RSBN1L: variants seen among roughly 807,000 people sequenced by gnomAD.
RSBN1L encodes round spermatid basic protein 1 like, also known as lysine-specific demethylase RSBN1L.
Under a neutral mutation model 67.7 loss-of-function variants are expected in RSBN1L, and 30 were observed. The ratio of observed to expected loss-of-function variants is 0.44; its 90% CI spans 0.33 to 0.60. The LOEUF is 0.60. RSBN1L is among the 20% of genes least tolerant of loss of function. The pLI, the probability that RSBN1L is intolerant of heterozygous loss-of-function variation, is 0.02. For synonymous variants in RSBN1L, 433 were observed against 387.0 expected, an observed-to-expected ratio of 1.12 and a Z score of -1.39; for missense variants, 992 against 1,031.7, an observed-to-expected ratio of 0.96 and a Z score of 0.53.
intron 4 of RSBN1L, 103 bp downstream of exon 4, chr7:77,765,735 C>G: frequency 3.6e-6 from 3 of 839,860 alleles, no homozygotes; most frequent in East Asian, 5.3e-5. Context: ...ATGCTACATG[C>G]AATATAAATG....
chr7:77,724,940 C>T (rs1244447648), intron 1 of RSBN1L, among the ~76,000 whole-genome samples: 1 of 148,392 alleles, frequency 6.7e-6, no homozygotes, highest in Non-Finnish European at 1.5e-5. Flanking sequence ...CCTCCCGGGT[C>T]CAGTCGGTTC....
Position 77,765,527 on chromosome 7 carries a change from A to G in RSBN1L, c.1377A>G (p.Arg459=), listed in dbSNP as rs541751424. The G allele has an allele frequency of 6.2e-7, 1 of 1,609,598 alleles. No individual in the cohort carries two copies. Among genetic ancestry groups the G allele is most frequent in the African/African-American group, 1.3e-5 (1 of 74,966 alleles). The stretch of plus-strand genomic sequence containing the variant: ...GAACGTATTCTCATGGTACTTACAG[A>G]GCTGGCCCAATGAGACAAATAAGCT... ...VKRTYSHGTY[R]AGPMRQISLV... Residue 459 remains arginine (R), a synonymous_variant, in exon 4 of 8, where the codon AGA becomes AGG. Coordinates refer to ENST00000334955, the MANE Select transcript of RSBN1L (RefSeq NM_198467.3).
At chr7:77,717,691 G>A (rs1466469175) in intron 1 of RSBN1L, among the ~76,000 whole-genome samples, 1 of 152,148 alleles carries the variant, frequency 6.6e-6, no homozygotes, top group Admixed American at 6.5e-5. Context: ...TTGTGGTGTG[G>A]AGTGAGGGCA....
At chr7:77,744,748 T>C (rs1791459574) in intron 2 of RSBN1L, among the ~76,000 whole-genome samples, 2 of 152,172 alleles carry the variant, frequency 1.3e-5, no homozygotes, top group Admixed American at 6.5e-5. Flanking sequence ...ATTAACACTT[T>C]GCCTTTTATG....
chr7:77,763,732 G>A (rs149524350), intron 3 of RSBN1L, among the ~76,000 whole-genome samples: 98 of 152,224 alleles, frequency 6.4e-4, no homozygotes, highest in African/African-American at 2.2e-3. Flanking sequence ...TCGCTCTGTT[G>A]CCCAGGCTGG....
intron 3 of RSBN1L, among the ~76,000 whole-genome samples, chr7:77,754,553 G>A (rs951660262): frequency 5.9e-5 from 9 of 152,100 alleles, no homozygotes; most frequent in Non-Finnish European, 1.2e-4. Context: ...TTGAGAACAT[G>A]GAAGTTTTCA....
chr7:77,711,257 ATACTC>A (rs1562794468), intron 1 of RSBN1L, among the ~76,000 whole-genome samples: 1 of 152,004 alleles, frequency 6.6e-6, no homozygotes, highest in African/African-American at 2.4e-5. Context: ...GCCATTTTGT[ATACTC>A]TAACTGCACA....
At chr7:77,727,315 G>A (rs1193860309) in intron 1 of RSBN1L, among the ~76,000 whole-genome samples, 8 of 151,788 alleles carry the variant, frequency 5.3e-5, no homozygotes, top group Admixed American at 4.6e-4. Flanking sequence ...TCGAACTCCC[G>A]ACCTCCAGTG....
At chr7:77,742,182 T>TACACACACACAC (rs1169498942) in intron 2 of RSBN1L, among the ~76,000 whole-genome samples, 26 of 80,288 alleles carry the variant, frequency 3.2e-4, no homozygotes, top group South Asian at 2.0e-3. Flanking sequence ...AAAAAAAAAA[T>TACACACACACAC]ACACACACAC....
chr7:77,697,445 G>C (rs920941267), intron 1 of RSBN1L: 3 of 172,028 alleles, frequency 1.7e-5, no homozygotes, highest in African/African-American at 7.1e-5. Flanking sequence ...ACTTAGACGT[G>C]GTCGCGGGAA....
chr7:77,773,977 C>G lies in RSBN1L; in HGVS notation c.1793+663C>G, dbSNP rs189491456. Among the ~76,000 whole-genome samples, 66 of 152,198 alleles carry G rather than the reference C, an allele frequency of 4.3e-4. No individual in the cohort carries two copies. The East Asian group carries it at 0.012, about 27-fold the overall frequency. Reference sequence around the variant, plus strand: ...TATTTATCACATAAGGAAACTGAGGCTCAGGGCTGTCAAATAATTTTTTTT... The same window carrying G: ...TATTTATCACATAAGGAAACTGAGGGTCAGGGCTGTCAAATAATTTTTTTT... On this transcript the variant is annotated intron_variant, in intron 6 of 7. Transcript: ENST00000334955.
At chr7:77,745,204 T>G (rs929719453) in intron 2 of RSBN1L, among the ~76,000 whole-genome samples, 1 of 149,742 alleles carries the variant, frequency 6.7e-6, no homozygotes, top group Non-Finnish European at 1.5e-5. Flanking sequence ...GAGGTTGCAG[T>G]GAGCCGAGAT....
chr7:77,728,880 T>C (rs1444871327), intron 1 of RSBN1L, among the ~76,000 whole-genome samples: 1 of 152,222 alleles, frequency 6.6e-6, no homozygotes. Flanking sequence ...CTGGAGATTA[T>C]CTGTACCTCA....
chr7:77,732,565 A>G (rs13222469), intron 1 of RSBN1L, among the ~76,000 whole-genome samples: 1 of 152,134 alleles, frequency 6.6e-6, no homozygotes, highest in Admixed American at 6.5e-5. Context: ...AACTCCTGAT[A>G]TCAGACAATC....
intron 1 of RSBN1L, among the ~76,000 whole-genome samples, chr7:77,728,100 C>T (rs1051820456): frequency 5.3e-5 from 8 of 152,144 alleles, no homozygotes; most frequent in African/African-American, 1.9e-4. Flanking sequence ...GCCATCTGCA[C>T]AGTGTTTATT....
At position 77,726,776 on chromosome 7, in the gene RSBN1L, A is replaced by ATTT. The variant is rs35354992; in HGVS notation, c.587-9615_587-9613dup. Among the ~76,000 whole-genome samples the ATTT allele has an allele frequency of 4.9e-3, 555 of 112,214 alleles. 9 individuals carry two copies. Among genetic ancestry groups the ATTT allele is most frequent in the African/African-American group, 9.9e-3 (280 of 28,218 alleles). 73.6% of individuals were successfully genotyped at this position (112,214 alleles called of 152,430 possible). On this transcript the variant is annotated intron_variant, in intron 1 of 7. Transcript: ENST00000334955. ...AGGCGCGTGCCACCACACCCAGCTA[A>ATTT]TTTTTTTTTTTTTTTTTTTTTGAGG...
At chr7:77,732,304 T>C (rs990534361) in intron 1 of RSBN1L, among the ~76,000 whole-genome samples, 14 of 152,182 alleles carry the variant, frequency 9.2e-5, no homozygotes, top group Non-Finnish European at 1.5e-4. Flanking sequence ...CCATCACTTC[T>C]GTATGTAAAG....
chr7:77,726,923 A>G (rs1165867919), intron 1 of RSBN1L, among the ~76,000 whole-genome samples: 1 of 150,874 alleles, frequency 6.6e-6, no homozygotes, highest in East Asian at 2.0e-4. Flanking sequence ...CTGGCATTAC[A>G]GGTGTGAGTC....
At chr7:77,735,157 A>T (rs1039302158) in intron 1 of RSBN1L, among the ~76,000 whole-genome samples, 1 of 152,144 alleles carries the variant, frequency 6.6e-6, no homozygotes, top group African/African-American at 2.4e-5. Flanking sequence ...TTATTAGCAC[A>T]TGAATTTAAT....
Sources: gnomAD v4.1 joint callset for allele counts (sites outside exome capture counted in the v4.1 genomes callset) on GRCh38, gnomAD v4.1.1 for gene constraint, MANE v1.5 for transcripts, NCBI Gene and HGNC (gene_info 2026-07-23, HGNC 2026-07-21) for gene names.